Variants in GTF2A1L observed in about 807,000 individuals in gnomAD.
GTF2A1L encodes the protein general transcription factor IIA subunit 1 like, also known as TFIIA-alpha and beta-like factor.
In GTF2A1L, 48 loss-of-function variants were observed where a neutral mutation model predicts 49.7. The observed-to-expected ratio is 0.97, with a 90% CI of 0.77 to 1.23. The LOEUF (loss-of-function observed/expected upper bound fraction) is 1.23. Among genes scored for constraint, GTF2A1L ranks in the 50% most tolerant of loss-of-function variants. The pLI is 0.00. For synonymous variants in GTF2A1L, 246 were observed against 193.5 expected (o/e 1.27, Z -2.25); for missense variants, 736 against 564.8 (o/e 1.30, Z -3.07).
At chr2:48,638,415 G>T (rs762344947) in intron 3 of GTF2A1L, among the ~76,000 whole-genome samples, 1 of 152,100 alleles carries the variant, frequency 6.6e-6, no homozygotes, top group African/African-American at 2.4e-5. Context: ...TGCAAAGTTG[G>T]CTCAGCATAC....
chr2:48,636,378 G>A (rs937083112), intron 3 of GTF2A1L, among the ~76,000 whole-genome samples: 13 of 152,240 alleles, frequency 8.5e-5, no homozygotes, highest in Admixed American at 5.2e-4. Flanking sequence ...ATTATGCAAA[G>A]GACTTTCTTA....
chr2:48,679,599 C>A lies in GTF2A1L; in HGVS notation c.*157C>A. 7.2e-7 allele frequency: 1 copy of A among 1,383,118 alleles called. No homozygotes were observed. The highest frequency in any genetic ancestry group is 9.3e-7 in the Non-Finnish European group (1 of 1,070,686). 85.7% of individuals were successfully genotyped at this position (1,383,118 alleles called of 1,614,324 possible). ...TAAAATTATAATTCAGATGCAGATA[C>A]AATTACACAATTTTATATGTATTTT... On this transcript the variant is annotated 3_prime_UTR_variant, in exon 9 of 9. Coordinates refer to ENST00000403751, the MANE Select transcript of GTF2A1L (RefSeq NM_006872.5).
intron 6 of GTF2A1L, among the ~76,000 whole-genome samples, chr2:48,667,426 G>T (rs1558766609): frequency 6.6e-6 from 1 of 152,180 alleles, no homozygotes; most frequent in Admixed American, 6.5e-5. Flanking sequence ...AAGAAAAGTT[G>T]TGATTTTGTA....
chr2:48,644,282 T>G (rs1033239631), intron 4 of GTF2A1L, among the ~76,000 whole-genome samples: 2 of 152,246 alleles, frequency 1.3e-5, no homozygotes, highest in Non-Finnish European at 2.9e-5. Context: ...ACTTCTTTCA[T>G]GAAAGCTATA....
intron 6 of GTF2A1L, among the ~76,000 whole-genome samples, chr2:48,664,582 A>G (rs1187461255): frequency 2.6e-5 from 4 of 152,034 alleles, no homozygotes; most frequent in South Asian, 2.1e-4. Context: ...ATGAATTGCT[A>G]TGTATCTGTA....
chr2:48,657,597 C>G (rs939945879), intron 6 of GTF2A1L, among the ~76,000 whole-genome samples: 2 of 152,006 alleles, frequency 1.3e-5, no homozygotes, highest in Admixed American at 1.3e-4. Flanking sequence ...AGAAATATTT[C>G]TTTTCCTTTG....
At chr2:48,618,009 C>T in intron 1 of GTF2A1L, 114 bp downstream of exon 1, 1 of 1,075,052 alleles carries the variant, frequency 9.3e-7, no homozygotes, top group South Asian at 1.6e-5. Flanking sequence ...GTCATAAACC[C>T]TCTCTCTTCC....
At chr2:48,647,845 A>T (rs547096104) in intron 6 of GTF2A1L, among the ~76,000 whole-genome samples, 41 of 152,214 alleles carry the variant, frequency 2.7e-4, no homozygotes, top group African/African-American at 9.6e-4. Context: ...TATAAAAATT[A>T]AAAAAATTGC....
chr2:48,659,438 A>G (rs1678367981), intron 6 of GTF2A1L, among the ~76,000 whole-genome samples: 1 of 152,048 alleles, frequency 6.6e-6, no homozygotes, highest in Admixed American at 6.6e-5. Context: ...TTCTTTTTCA[A>G]GATTGTTTTG....
At chr2:48,663,632 T>G (rs1049743140) in intron 6 of GTF2A1L, among the ~76,000 whole-genome samples, 2 of 152,236 alleles carry the variant, frequency 1.3e-5, no homozygotes, top group Non-Finnish European at 2.9e-5. Flanking sequence ...AATAAACATT[T>G]AAAAATTTTT....
chr2:48,639,619 C>G (rs777459339), intron 3 of GTF2A1L, among the ~76,000 whole-genome samples: 2 of 152,076 alleles, frequency 1.3e-5, no homozygotes, highest in South Asian at 2.1e-4. Context: ...CTAGGCAATA[C>G]CATCTTGGAC....
At chr2:48,662,770 G>A (rs140264784) in intron 6 of GTF2A1L, among the ~76,000 whole-genome samples, 25 of 151,090 alleles carry the variant, frequency 1.7e-4, no homozygotes, top group East Asian at 3.9e-4. Flanking sequence ...ACATAGATGC[G>A]TTGCTTTTCT....
At chr2:48,671,738 A>T in intron 8 of GTF2A1L, 58 bp downstream of exon 8, 1 of 1,433,176 alleles carries the variant, frequency 7.0e-7, no homozygotes, top group Middle Eastern at 1.8e-4. Flanking sequence ...GTAGAAAGGT[A>T]TGTAAAATGA....
chr2:48,675,592 G>A (rs1014786444), intron 8 of GTF2A1L, among the ~76,000 whole-genome samples: 23 of 151,848 alleles, frequency 1.5e-4, no homozygotes, highest in African/African-American at 5.6e-4. Flanking sequence ...TTAATATAAG[G>A]ATTTAAATAA....
chr2:48,642,341 T>G, intron 3 of GTF2A1L, 61 bp from the exon 4 acceptor site: 1 of 1,424,474 alleles, frequency 7.0e-7, no homozygotes, highest in Non-Finnish European at 9.5e-7. Context: ...AAGCTATATT[T>G]AGTGATTTTA....
At chr2:48,658,235 A>G (rs4429517) in intron 6 of GTF2A1L, among the ~76,000 whole-genome samples, 139,974 of 152,266 alleles carry the variant, frequency 0.92, 64,819 homozygotes, top group East Asian at 1. Flanking sequence ...ATAGTTTGAG[A>G]TCTTACATTT....
chr2:48,673,359 C>CTTTTTTTTTTTTTTTT (rs34493140), intron 8 of GTF2A1L, among the ~76,000 whole-genome samples: 2 of 109,702 alleles, frequency 1.8e-5, no homozygotes, highest in Non-Finnish European at 1.7e-5. Context: ...ACACAGGAAA[C>CTTTTTTTTTTTTTTTT]TTTTTTTTTT....
At chr2:48,656,370 T>TTTTTTTTTTTA (rs1678175967) in intron 6 of GTF2A1L, among the ~76,000 whole-genome samples, 1 of 146,350 alleles carries the variant, frequency 6.8e-6, no homozygotes, top group Non-Finnish European at 1.5e-5. Flanking sequence ...TTTTTTTTTT[T>TTTTTTTTTTTA]TTTTTTTAAT....
At chr2:48,653,187 C>A (rs1433357453) in intron 6 of GTF2A1L, among the ~76,000 whole-genome samples, 2 of 145,696 alleles carry the variant, frequency 1.4e-5, no homozygotes, top group African/African-American at 2.5e-5. Flanking sequence ...CGCCACTGCA[C>A]TCCAGCCTGG....
Sources: allele counts gnomAD v4.1 joint callset (sites outside exome capture counted in the v4.1 genomes callset), GRCh38; gene constraint gnomAD v4.1.1; transcripts MANE v1.5; gene names NCBI Gene and HGNC (gene_info 2026-07-23, HGNC 2026-07-21).